SLC44A4: variants seen among roughly 807,000 people sequenced by gnomAD.
SLC44A4 encodes solute carrier family 44 member 4.
In SLC44A4, 74 loss-of-function variants were observed where a neutral mutation model predicts 97.0. The ratio of observed to expected loss-of-function variants is 0.76; its 90% CI spans 0.63 to 0.93. The LOEUF is 0.93. Among genes scored for constraint, SLC44A4 ranks in the 40% least tolerant of loss-of-function variants. The pLI is 0.00. For synonymous variants in SLC44A4, 325 were observed against 363.8 expected, an observed-to-expected ratio of 0.89 and a Z score of 1.21; for missense variants, 799 against 902.9, an observed-to-expected ratio of 0.88 and a Z score of 1.48.
intron 7 of SLC44A4, among the ~76,000 whole-genome samples, chr6:31,872,222 T>TTATC (rs1047859676): frequency 2.0e-5 from 3 of 152,124 alleles, no homozygotes; most frequent in African/African-American, 7.2e-5. Context: ...TGTCATTTAT[T>TTATC]TATCTATTTA....
At chr6:31,863,842 G>C in intron 20 of SLC44A4, 94 bp from the exon 21 acceptor site, 1 of 1,536,960 alleles carries the variant, frequency 6.5e-7, no homozygotes. Context: ...AATCCAAGCT[G>C]CACCACCACC....
chr6:31,864,437 A>G, intron 20 of SLC44A4: 1 of 600,598 alleles, frequency 1.7e-6, no homozygotes, highest in Non-Finnish European at 3.0e-6. Flanking sequence ...CTCCATCAGA[A>G]TGCTCCTTCT....
rs1763542317 is a variant in SLC44A4, at chr6:31,878,030, A to G, written c.40+911T>C. 6.6e-6 allele frequency: 1 copy of G among 152,106 alleles called. No homozygotes were observed. The highest frequency in any genetic ancestry group is 6.5e-5 in the Admixed American group (1 of 15,272). The allele number at this position is 152,106 out of a possible 1,614,324, so 9.4% of individuals were successfully genotyped here. On this transcript the variant is annotated intron_variant, in intron 1 of 20. Coordinates refer to ENST00000229729, the MANE Select transcript of SLC44A4 (RefSeq NM_025257.3). This position sits in a 1 kb window ranked among gnomAD's most constrained non-coding sequence, Gnocchi z 4.0. Reference sequence around the variant, plus strand: ...AAGCCTCTCCTCGAGAAGGTCCCTCATAGGGGTTCCTTCCCCTTCAGACCA... The same window carrying G: ...AAGCCTCTCCTCGAGAAGGTCCCTCGTAGGGGTTCCTTCCCCTTCAGACCA...
intron 4 of SLC44A4, 58 bp from the exon 5 acceptor site, chr6:31,875,086 G>A (rs763309025): frequency 5.1e-6 from 7 of 1,372,342 alleles, no homozygotes; most frequent in Non-Finnish European, 7.2e-6. Context: ...GGGGAGGGGA[G>A]GGACCACTAG....
Position 31,878,219 on chromosome 6 carries a change from C to G in SLC44A4, c.40+722G>C, listed in dbSNP as rs1292379908. ...TTCTCCCCTCAGGCTTCACCCTTCACAGGAACCCCAGGGGCCCTGTCCCTA... is the reference window on the plus strand; with the variant it reads ...TTCTCCCCTCAGGCTTCACCCTTCAGAGGAACCCCAGGGGCCCTGTCCCTA... On this transcript the variant is annotated intron_variant, in intron 1 of 20. Coordinates refer to ENST00000229729, the MANE Select transcript of SLC44A4 (RefSeq NM_025257.3). The surrounding 1 kb of genome is among the most constrained non-coding windows in gnomAD (Gnocchi z 4.0). The G allele has an allele frequency of 6.6e-6, 1 of 152,406 alleles. No individual in the cohort carries two copies. Among genetic ancestry groups the G allele is most frequent in the Admixed American group, 6.5e-5 (1 of 15,270 alleles). 9.4% of individuals were successfully genotyped at this position (152,406 alleles called of 1,614,324 possible). A position where few individuals can be genotyped will look rare whatever the true frequency, so the allele number is the denominator to read the frequency against.
intron 9 of SLC44A4, 29 bp downstream of exon 9, chr6:31,871,285 C>T: frequency 1.3e-6 from 2 of 1,599,706 alleles, no homozygotes; most frequent in Non-Finnish European, 1.7e-6. Flanking sequence ...AAGGCAAGGA[C>T]ACAAGAGGAG....
rs1168632633 is a variant in SLC44A4, at chr6:31,863,653, G to A, written c.2107C>T (p.Pro703Ser). The A allele has an allele frequency of 6.2e-7, 1 of 1,612,202 alleles. No homozygotes were observed. The highest frequency in any genetic ancestry group is 1.7e-5 in the Admixed American group (1 of 59,830). Residue 703 changes from proline to serine, a missense_variant, in exon 21 of 21, where the codon CCG (proline) becomes TCG (serine). Transcript: ENST00000229729. ...KILGKKNEAPPDNKKRKK is the reference protein window; with the variant it reads ...KILGKKNEAPSDNKKRKK Reference sequence around the variant, plus strand: ...CACTTCTTCCTCTTCTTGTTGTCCGGGGGCGCCTCGTTCTTCTTGCCCAGA... The same window carrying A: ...CACTTCTTCCTCTTCTTGTTGTCCGAGGGCGCCTCGTTCTTCTTGCCCAGA...
At chr6:31,871,114 C>T in intron 9 of SLC44A4, 67 bp from the exon 10 acceptor site, 1 of 1,445,522 alleles carries the variant, frequency 6.9e-7, no homozygotes, top group East Asian at 2.4e-5. Context: ...TACAGAGGCC[C>T]TCCCTGCCTT....
Position 31,865,648 on chromosome 6 carries a change from G to T in SLC44A4, c.1582+42C>A. The T allele has an allele frequency of 7.4e-6, 12 of 1,611,848 alleles. No individual in the cohort carries two copies. The highest frequency in any genetic ancestry group is 1.0e-5 in the Non-Finnish European group (12 of 1,178,912). ...GTTTGGTCACTGCCCCTCCCTAATG[G>T]CCTTCCCCAGCTCCTGACTCCTACT... is the stretch of plus-strand genomic sequence containing the variant. On this transcript the variant is annotated intron_variant, in intron 15 of 20. Transcript: ENST00000229729. The surrounding 1 kb of genome is among the most constrained non-coding windows in gnomAD (Gnocchi z 5.2).
chr6:31,876,178 T>C lies in SLC44A4; in HGVS notation c.90-49A>G. ...GCTGAGCTAAGGAGACTTGGGGAGGTAGGGCTTATGGTCTGGAGGGGTTAA... is the reference window on the plus strand; with the variant it reads ...GCTGAGCTAAGGAGACTTGGGGAGGCAGGGCTTATGGTCTGGAGGGGTTAA... On this transcript the variant is annotated intron_variant, in intron 2 of 20. Coordinates refer to ENST00000229729, the MANE Select transcript of SLC44A4 (RefSeq NM_025257.3). This position sits in a 1 kb window ranked among gnomAD's most constrained non-coding sequence, Gnocchi z 4.8. The C allele has an allele frequency of 1.3e-6, 2 of 1,529,626 alleles. No homozygotes were observed. Among genetic ancestry groups the C allele is most frequent in the Non-Finnish European group, 1.8e-6 (2 of 1,114,866 alleles). 94.8% of individuals were successfully genotyped at this position (1,529,626 alleles called of 1,614,324 possible).
chr6:31,864,124 AAGTGCAGT>A (rs966187148), intron 20 of SLC44A4, among the ~76,000 whole-genome samples: 1 of 151,246 alleles, frequency 6.6e-6, no homozygotes, highest in Non-Finnish European at 1.5e-5. Flanking sequence ...GCCCAAGCTG[AAGTGCAGT>A]AGCGCAATCT....
rs6907185 is a variant in SLC44A4, at chr6:31,876,907, A to G, written c.89+127T>C. Reference sequence around the variant, plus strand: ...CAACAATCCCCCCAGGGCACCACCCATCTGGGGCAGGAGTTTCTCTTTTTC... The same window carrying G: ...CAACAATCCCCCCAGGGCACCACCCGTCTGGGGCAGGAGTTTCTCTTTTTC... On this transcript the variant is annotated intron_variant, in intron 2 of 20. Coordinates refer to ENST00000229729, the MANE Select transcript of SLC44A4 (RefSeq NM_025257.3). This position sits in a 1 kb window ranked among gnomAD's most constrained non-coding sequence, Gnocchi z 4.8. The G allele has an allele frequency of 0.082, 81,774 of 995,396 alleles. 3,814 individuals are homozygous for G. The highest frequency in any genetic ancestry group is 0.13 in the African/African-American group (7,798 of 61,026). The allele number at this position is 995,396 out of a possible 1,614,324, so 61.7% of individuals were successfully genotyped here. A position where few individuals can be genotyped will look rare whatever the true frequency, so the allele number is the denominator to read the frequency against.
Position 31,865,054 on chromosome 6 carries a change from T to C in SLC44A4, c.1787A>G (p.Asp596Gly), listed in dbSNP as rs1762774007. The C allele has an allele frequency of 6.2e-7, 1 of 1,613,374 alleles. No homozygotes were observed. The highest frequency in any genetic ancestry group is 8.5e-7 in the Non-Finnish European group (1 of 1,180,042). ...VRVVVLDKVT[D>G]LLLFFGKLLV... Reference sequence around the variant, plus strand: ...CAGCTTCCCAAAGAACAGCAGCAGGTCTGTGACTTTGTCCAGGACGACCAC... The same window carrying C: ...CAGCTTCCCAAAGAACAGCAGCAGGCCTGTGACTTTGTCCAGGACGACCAC... Residue 596 changes from aspartate (D) to glycine (G), a missense_variant, in exon 18 of 21, where the codon GAC becomes GGC. This residue lies in a region of SLC44A4 where 379 missense variants were observed against 438.3 expected (regional missense o/e 0.86). Transcript: ENST00000229729. This position sits in a 1 kb window ranked among gnomAD's most constrained non-coding sequence, Gnocchi z 5.2.
Position 31,865,756 on chromosome 6 carries a change from C to G in SLC44A4, c.1516G>C (p.Ala506Pro), listed in dbSNP as rs1168920631. ...RYHTGSLAFGALILTLVQIAR... is the reference protein window; with the variant it reads ...RYHTGSLAFGPLILTLVQIAR... The stretch of plus-strand genomic sequence containing the variant: ...ATCTGCACAAGGGTCAGGATGAGGG[C>G]TCCAAATGCCAATGACCCAGTGTGG... Residue 506 changes from alanine (A) to proline (P), a missense_variant, in exon 15 of 21, where the codon GCC becomes CCC. Ala to Pro is a conservative substitution (Grantham distance 27). Coordinates refer to ENST00000229729, the MANE Select transcript of SLC44A4 (RefSeq NM_025257.3). This position sits in a 1 kb window ranked among gnomAD's most constrained non-coding sequence, Gnocchi z 5.2. The G allele has an allele frequency of 6.2e-7, 1 of 1,613,790 alleles. No homozygotes were observed. The highest frequency in any genetic ancestry group is 8.5e-7 in the Non-Finnish European group (1 of 1,179,944).
In SLC44A4 at chr6:31,874,350, T is replaced by G. The variant is rs559440705; in HGVS notation, c.529+110A>C. ...TGAAGACCTGATGCTAATTCCAATT[T>G]TGCCACCAACAAGCTATGTGACTTC... On this transcript the variant is annotated intron_variant, in intron 7 of 20. Coordinates refer to ENST00000229729, the MANE Select transcript of SLC44A4 (RefSeq NM_025257.3). The surrounding 1 kb of genome is among the most constrained non-coding windows in gnomAD (Gnocchi z 4.8). The G allele has an allele frequency of 3.5e-5, 42 of 1,211,310 alleles. No homozygotes were observed. In the African/African-American group the frequency reaches 6.0e-4, roughly 17 times the overall value. 75.0% of individuals were successfully genotyped at this position (1,211,310 alleles called of 1,614,324 possible).
chr6:31,868,240 C>T (rs1025017846), intron 13 of SLC44A4, among the ~76,000 whole-genome samples: 4 of 152,216 alleles, frequency 2.6e-5, no homozygotes, highest in Admixed American at 6.5e-5. Flanking sequence ...GCGCCACTCC[C>T]GGGGAACCTC....
At chr6:31,863,822 C>T (rs1354464005) in intron 20 of SLC44A4, 74 bp from the exon 21 acceptor site, 4 of 1,592,452 alleles carry the variant, frequency 2.5e-6, no homozygotes, top group African/African-American at 1.3e-5. Flanking sequence ...AAGCTGCCTG[C>T]GGGATTTGGA....
At position 31,865,824 on chromosome 6, in the gene SLC44A4, C is replaced by A; in HGVS notation, c.1488-40G>T. 1 of 1,613,884 alleles carries A rather than the reference C, an allele frequency of 6.2e-7. No homozygotes were observed. The highest frequency in any genetic ancestry group is 8.5e-7 in the Non-Finnish European group (1 of 1,179,864). On this transcript the variant is annotated intron_variant, in intron 14 of 20. Transcript: ENST00000229729. The surrounding 1 kb of genome is among the most constrained non-coding windows in gnomAD (Gnocchi z 5.2). The stretch of plus-strand genomic sequence containing the variant: ...ATGCAGTCAGAGACAGCTCCAGGAC[C>A]CCTGGGGCCCCCGTGCCTACAATGA...
chr6:31,873,220 G>C (rs1295574287), intron 7 of SLC44A4, among the ~76,000 whole-genome samples: 5 of 152,188 alleles, frequency 3.3e-5, no homozygotes, highest in Admixed American at 1.3e-4. Context: ...AGCAAGGCTA[G>C]AGTACAGTGG....
Sources: allele counts gnomAD v4.1 joint callset (sites outside exome capture counted in the v4.1 genomes callset), GRCh38; gene constraint gnomAD v4.1.1; regional missense constraint gnomAD v4.1.1; non-coding constraint Gnocchi (gnomAD v3.1); transcripts MANE v1.5; gene names NCBI Gene and HGNC (gene_info 2026-07-23, HGNC 2026-07-21).